PARP6: variants seen among roughly 807,000 people sequenced by gnomAD.
PARP6 encodes poly(ADP-ribose) polymerase family member 6.
In PARP6, 27 loss-of-function variants were observed where a neutral mutation model predicts 92.0. That is an observed-to-expected ratio of 0.29 (90% confidence interval 0.22 to 0.40). PARP6 has a LOEUF of 0.40. PARP6 is among the 10% of genes least tolerant of loss of function. The pLI is 1.00. For synonymous variants in PARP6, 272 were observed against 281.2 expected (o/e 0.97, Z 0.33); for missense variants, 501 against 784.5 (o/e 0.64, Z 4.32).
At chr15:72,244,081 A>G (rs949713463) in intron 20 of PARP6, 1 of 151,674 alleles carries the variant, frequency 6.6e-6, no homozygotes, top group South Asian at 2.1e-4. Context: ...CTTTTACAGG[A>G]CAGGTACTCA....
chr15:72,259,566 CA>C lies in PARP6; in HGVS notation c.810+41del, dbSNP rs753411826. The C allele has an allele frequency of 3.8e-6, 6 of 1,585,530 alleles. No individual in the cohort carries two copies. The South Asian group carries it at 6.7e-5, about 18-fold the overall frequency. On this transcript the variant is annotated intron_variant, in intron 11 of 23. Transcript: ENST00000569795. ...GTGTTAGGAGACCAAATGGGTCAGA[CA>C]ACAGGGAAGGGCTTCGGAGTGACAA...
chr15:72,259,566 C>T, intron 11 of PARP6, 42 bp downstream of exon 11: 1 of 1,585,530 alleles, frequency 6.3e-7, no homozygotes, highest in Middle Eastern at 1.7e-4. Flanking sequence ...ATGGGTCAGA[C>T]AACAGGGAAG....
intron 10 of PARP6, among the ~76,000 whole-genome samples, chr15:72,260,150 C>T (rs1053673653): frequency 4.6e-5 from 7 of 152,236 alleles, no homozygotes; most frequent in African/African-American, 1.7e-4. Flanking sequence ...GGCAAAAGCC[C>T]GTCTCTACAA....
rs576673720 is a variant in PARP6 at position 72,260,631 on chromosome 15, T to C, written c.603A>G (p.Pro201=). ...TCATGAGGCGCCCAACCCGAAGCTC[T>C]GGTACACCTAGTTTGCCTTTCAGCA... is the stretch of plus-strand genomic sequence containing the variant. ...DSMLKGKLGV[P]ELRVGRLMNR... Residue 201 remains proline (P), a synonymous_variant, in exon 10 of 24, where the codon CCA becomes CCG. Transcript: ENST00000569795. The C allele has an allele frequency of 6.8e-6, 11 of 1,614,182 alleles. No homozygotes were observed. The East Asian group carries it at 2.2e-4, about 33-fold the overall frequency.
intron 1 of PARP6, among the ~76,000 whole-genome samples, chr15:72,271,948 G>A (rs945697193): frequency 5.3e-5 from 8 of 152,192 alleles, no homozygotes; most frequent in East Asian, 1.9e-4. Context: ...ACAACTTCAC[G>A]TCTAGTCAAA....
chr15:72,253,045 G>A (rs2084586068), intron 16 of PARP6, among the ~76,000 whole-genome samples: 1 of 151,678 alleles, frequency 6.6e-6, no homozygotes, highest in Non-Finnish European at 1.5e-5. Context: ...TGGGTGTGGT[G>A]GCACATGCCT....
In PARP6 at chr15:72,266,739, C is replaced by G; in HGVS notation, c.81+6G>C. ...AACACGGGGGTCTTGGGAGATGTAA[C>G]CTCACCTGAACGCCATAGAGAAATT... On this transcript the variant is annotated splice_donor_region_variant and intron_variant, in intron 4 of 23. Coordinates refer to ENST00000569795, the MANE Select transcript of PARP6 (RefSeq NM_001323532.2). 6.2e-7 allele frequency: 1 copy of G among 1,609,826 alleles called. No homozygotes were observed. The highest frequency in any genetic ancestry group is 1.1e-5 in the South Asian group (1 of 90,988).
intron 20 of PARP6, among the ~76,000 whole-genome samples, chr15:72,247,762 T>C (rs541080735): frequency 6.6e-6 from 1 of 152,224 alleles, no homozygotes; most frequent in Non-Finnish European, 1.5e-5. Context: ...ATTATTAGCA[T>C]AGTGTAGGTA....
At chr15:72,252,039 T>C (rs1416418402) in intron 16 of PARP6, among the ~76,000 whole-genome samples, 1 of 152,158 alleles carries the variant, frequency 6.6e-6, no homozygotes, top group Admixed American at 6.5e-5. Flanking sequence ...GAAGGCTGAC[T>C]AGGAAGAGGG....
At chr15:72,246,406 C>T (rs2083610482) in intron 20 of PARP6, among the ~76,000 whole-genome samples, 1 of 152,174 alleles carries the variant, frequency 6.6e-6, no homozygotes, top group Non-Finnish European at 1.5e-5. Context: ...CTTTGGCCTC[C>T]CAAAGTGCTG....
chr15:72,247,367 A>G (rs1319468194), intron 20 of PARP6, among the ~76,000 whole-genome samples: 1 of 151,664 alleles, frequency 6.6e-6, no homozygotes, highest in Non-Finnish European at 1.5e-5. Flanking sequence ...GAGATGGGGT[A>G]TTGCCATGTT....
In PARP6 at chr15:72,258,803, C is replaced by G. The variant is rs1054954251; in HGVS notation, c.811-671G>C. On this transcript the variant is annotated intron_variant, in intron 11 of 23. Transcript: ENST00000569795. ...TTTTGTGCATCAATCAAGTTGTTCC[C>G]CTTTCACATGATTTTAGGCTGGTAA... 3.3e-5 allele frequency among the ~76,000 whole-genome samples: 5 copies of G among 152,292 alleles called. No individual in the cohort carries two copies. The East Asian group carries it at 9.6e-4, about 29-fold the overall frequency.
chr15:72,256,406 G>A lies in PARP6; in HGVS notation c.1125+59C>T, dbSNP rs959205325. On this transcript the variant is annotated intron_variant, in intron 14 of 23. Coordinates refer to ENST00000569795, the MANE Select transcript of PARP6 (RefSeq NM_001323532.2). Reference sequence around the variant, plus strand: ...GTATATACCAGAATGTCAGCCCATAGTCTGCCACTATCTTTTATCATTTCT... The same window carrying A: ...GTATATACCAGAATGTCAGCCCATAATCTGCCACTATCTTTTATCATTTCT... 6.5e-6 allele frequency: 9 copies of A among 1,378,260 alleles called. No individual in the cohort carries two copies. In the African/African-American group the frequency reaches 1.2e-4, roughly 18 times the overall value. 85.4% of individuals were successfully genotyped at this position (1,378,260 alleles called of 1,614,324 possible).
chr15:72,266,458 T>C (rs1424900481), intron 4 of PARP6, among the ~76,000 whole-genome samples: 2 of 152,084 alleles, frequency 1.3e-5, no homozygotes, highest in Non-Finnish European at 2.9e-5. Flanking sequence ...CCCTAATGAA[T>C]GAAACTACCC....
Position 72,257,405 on chromosome 15 carries a change from G to C in PARP6, c.942C>G (p.Ser314=), listed in dbSNP as rs776338955. ...CAGACATGACGCCCAGTGTGTAGAAGGAGAAAACGCATAGTTCACGAGTAC... is the reference window on the plus strand; with the variant it reads ...CAGACATGACGCCCAGTGTGTAGAACGAGAAAACGCATAGTTCACGAGTAC... ...AVCTRELCVF[S]FYTLGVMSGA... is the part of the protein sequence containing the mutation. The change falls in exon 13 of 24, where the codon TCC becomes TCG. Residue 314 remains serine (S), a synonymous_variant. Coordinates refer to ENST00000569795, the MANE Select transcript of PARP6 (RefSeq NM_001323532.2). 1.2e-6 allele frequency: 2 copies of C among 1,614,052 alleles called. No homozygotes were observed. Among genetic ancestry groups the C allele is most frequent in the Non-Finnish European group, 1.7e-6 (2 of 1,179,970 alleles).
chr15:72,259,631 G>C lies in PARP6; in HGVS notation c.787C>G (p.Leu263Val). 6.2e-7 allele frequency: 1 copy of C among 1,614,104 alleles called. No individual in the cohort carries two copies. Residue 263 changes from leucine to valine, a missense_variant, in exon 11 of 24, where the codon CTG becomes GTG. Leu to Val is a conservative substitution (Grantham distance 32, BLOSUM62 1). This residue lies in a region of PARP6 where 291 missense variants were observed against 352.0 expected (regional missense o/e 0.83). Transcript: ENST00000569795. The stretch of plus-strand genomic sequence containing the variant: ...ACCTGAACGAGGAATCCATACTCCA[G>C]AGTGGGAATGTTCTTGCAGTGACCA... ...VSGHCKNIPT[L>V]EYGFLVQIMK...
In PARP6 at chr15:72,269,027, C is replaced by G. The variant is rs151123767; in HGVS notation, c.-194-1356G>C. Among the ~76,000 whole-genome samples, 255 of 152,310 alleles carry G rather than the reference C, an allele frequency of 1.7e-3. 3 individuals are homozygous for G. Among genetic ancestry groups the G allele is most frequent in the African/African-American group, 5.5e-3 (230 of 41,560 alleles). On this transcript the variant is annotated intron_variant, in intron 2 of 23. Transcript: ENST00000569795. Reference sequence around the variant, plus strand: ...GCTTTAATGGCTGAAGATGGCAAATCTACCCTAAAAGCAGGCTAAAAAAGC... The same window carrying G: ...GCTTTAATGGCTGAAGATGGCAAATGTACCCTAAAAGCAGGCTAAAAAAGC...
intron 2 of PARP6, among the ~76,000 whole-genome samples, chr15:72,267,877 A>G (rs1003123509): frequency 3.3e-5 from 5 of 151,842 alleles, no homozygotes; most frequent in African/African-American, 9.7e-5. Flanking sequence ...TCAGCCTCCC[A>G]AGTAGCTGGA....
chr15:72,257,838 CTAAA>C lies in PARP6; in HGVS notation c.906+195_906+198del, dbSNP rs375050075. On this transcript the variant is annotated intron_variant, in intron 12 of 23. Transcript: ENST00000569795. ...TTTTAAATGTCAGGTGGACTCTATC[CTAAA>C]TAAATATTCTCATATCCTCATCTCT... Among the ~76,000 whole-genome samples the C allele has an allele frequency of 2.2e-4, 33 of 152,286 alleles. No homozygotes were observed. In the East Asian group the frequency reaches 4.4e-3, roughly 20 times the overall value.
Sources: allele counts gnomAD v4.1 joint callset (sites outside exome capture counted in the v4.1 genomes callset), GRCh38; gene constraint gnomAD v4.1.1; regional missense constraint gnomAD v4.1.1; transcripts MANE v1.5; gene names NCBI Gene and HGNC (gene_info 2026-07-23, HGNC 2026-07-21).